ITLN2: variants seen among roughly 807,000 people sequenced by gnomAD.
The protein encoded by ITLN2 is intelectin 2.
Under a neutral mutation model 39.4 loss-of-function variants are expected in ITLN2, and 29 were observed. The ratio of observed to expected loss-of-function variants is 0.74; its 90% CI spans 0.55 to 1.00. ITLN2 has a LOEUF of 1.00. Ranked by LOEUF, ITLN2 falls within the 50% of genes least tolerant of loss-of-function variation. The probability of loss-of-function intolerance (pLI) is 0.00; values close to 1 mark genes in which losing one functional copy is unlikely to be tolerated. For synonymous variants in ITLN2, 156 were observed against 153.4 expected (o/e 1.02, Z -0.12); for missense variants, 412 against 416.7 (o/e 0.99, Z 0.10).
chr1:160,952,507 C>T, intron 3 of ITLN2, 113 bp downstream of exon 3: 1 of 693,556 alleles, frequency 1.4e-6, no homozygotes, highest in Non-Finnish European at 2.5e-6. Flanking sequence ...TGAGTAGGAG[C>T]TGGGGGCAGA....
chr1:160,950,088 C>A lies in ITLN2; in HGVS notation c.679G>T (p.Asp227Tyr). 1 of 1,613,992 alleles carries A rather than the reference C, an allele frequency of 6.2e-7. No individual in the cohort carries two copies. The change falls in exon 6 of 8, where the codon GAT (aspartate) becomes TAT (tyrosine). Residue 227 changes from aspartate (D) to tyrosine (Y), a missense_variant. Asp to Tyr is a radical substitution (Grantham distance 160). Transcript: ENST00000368029. The part of the protein sequence containing the change: ...PAIPVVYDFG[D>Y]AKKTASYYSP... ...TAATAAGATGCAGTCTTCTTAGCAT[C>A]ACCAAAGTCATAGACCACAGGTATG...
chr1:160,954,089 G>A (rs543937321), intron 2 of ITLN2, among the ~76,000 whole-genome samples: 31 of 152,212 alleles, frequency 2.0e-4, no homozygotes, highest in Non-Finnish European at 4.4e-5. Context: ...AGCTGAGCAG[G>A]GACACAGTTC....
chr1:160,948,298 C>T (rs889752999), intron 6 of ITLN2, among the ~76,000 whole-genome samples: 6 of 152,206 alleles, frequency 3.9e-5, no homozygotes, highest in Non-Finnish European at 7.3e-5. Context: ...TTACAGCTTA[C>T]AGGAGAAACT....
At position 160,945,245 on chromosome 1, in the gene ITLN2, C is replaced by G; in HGVS notation, c.873G>C (p.Gln291His). ...AGTCAAAGGCGGAGAAGTCCCCACA[C>G]TGACGGGGTTTGCCCTGTGGGAAGA... ...GGFFPQGKPR[Q>H]CGDFSAFDWD... Residue 291 changes from glutamine (Q) to histidine (H), a missense_variant, in exon 8 of 8, where the codon CAG (glutamine) becomes CAC (histidine). Transcript: ENST00000368029. The G allele has an allele frequency of 5.6e-6, 9 of 1,603,832 alleles. No individual in the cohort carries two copies. The highest frequency in any genetic ancestry group is 7.6e-6 in the Non-Finnish European group (9 of 1,177,442).
At chr1:160,949,780 CT>C in intron 6 of ITLN2, 1 of 372,032 alleles carries the variant, frequency 2.7e-6, no homozygotes, top group Non-Finnish European at 5.0e-6. Flanking sequence ...ATCTCTTTTT[CT>C]TTTCCCCACA....
rs1196108040 is a variant in ITLN2 at position 160,950,610 on chromosome 1, G to A, written c.543C>T (p.Tyr181=). 1.2e-6 allele frequency: 2 copies of A among 1,614,116 alleles called. No homozygotes were observed. Among genetic ancestry groups the A allele is most frequent in the African/African-American group, 2.7e-5 (2 of 74,932 alleles). The change falls in exon 5 of 8, where the codon TAC becomes TAT. Residue 181 remains tyrosine, a synonymous_variant. Coordinates refer to ENST00000368029, the MANE Select transcript of ITLN2 (RefSeq NM_080878.3). The stretch of plus-strand genomic sequence containing the variant: ...TCTGGAGGAAGCCAGTGTTGGTGCG[G>A]TACCTCAGCAGGGCGCTGTTTCTCC... ...QHWRNSALLR[Y]RTNTGFLQRL... is the part of the protein sequence containing the mutation.
At chr1:160,950,530 C>T (rs1168906312) in intron 5 of ITLN2, 23 bp downstream of exon 5, 8 of 1,609,042 alleles carry the variant, frequency 5.0e-6, no homozygotes, top group South Asian at 1.1e-5. Flanking sequence ...AGAAAGTGCC[C>T]CCCAGCCAGC....
chr1:160,946,749 G>GA, intron 7 of ITLN2, among the ~76,000 whole-genome samples: 2 of 149,284 alleles, frequency 1.3e-5, no homozygotes, highest in Middle Eastern at 3.4e-3. Flanking sequence ...ACTCTTCAAA[G>GA]AAAAAAAAAG....
intron 1 of ITLN2, 28 bp from the exon 2 acceptor site, chr1:160,954,478 ACTGG>A (rs756956060): frequency 6.5e-7 from 1 of 1,543,008 alleles, no homozygotes. Flanking sequence ...GCACAAGGTC[ACTGG>A]CTGGCCCTTC....
chr1:160,945,140 T>C lies in ITLN2; in HGVS notation c.978A>G (p.Ter326TrpextTer26), dbSNP rs1466939842. 2 of 1,585,986 alleles carry C rather than the reference T, an allele frequency of 1.3e-6. No homozygotes were observed. Among genetic ancestry groups the C allele is most frequent in the South Asian group, 2.3e-5 (2 of 85,874 alleles). The change falls in exon 8 of 8, where the codon TGA (stop) becomes TGG (tryptophan). Residue 326 changes from the stop codon to tryptophan (W), a stop_lost. Coordinates refer to ENST00000368029, the MANE Select transcript of ITLN2 (RefSeq NM_080878.3). Reference sequence around the variant, plus strand: ...CGCCCTGACACCGCAGAGCTCTGTCTCATCTATAGAACAAGAGTACAGCCG... The same window carrying C: ...CGCCCTGACACCGCAGAGCTCTGTCCCATCTATAGAACAAGAGTACAGCCG... ...TEAAVLLFYR[*>W]
Position 160,945,286 on chromosome 1 carries a change from T to C in ITLN2, c.832A>G (p.Ile278Val). The C allele has an allele frequency of 6.4e-7, 1 of 1,564,458 alleles. No individual in the cohort carries two copies. ...VTGCNTEHHC[I>V]GGGGFFPQGK... ...TGTGGGAAGAACCCTCCTCCACCGATGCAGTGCTGGGAAACAGAAAGAAGA... is the reference window on the plus strand; with the variant it reads ...TGTGGGAAGAACCCTCCTCCACCGACGCAGTGCTGGGAAACAGAAAGAAGA... Residue 278 changes from isoleucine (I) to valine (V), a missense_variant, in exon 8 of 8, where the codon ATC becomes GTC. Transcript: ENST00000368029.
Position 160,945,295 on chromosome 1 carries a change from G to T in ITLN2, c.826-3C>A. ...AACCCTCCTCCACCGATGCAGTGCT[G>T]GGAAACAGAAAGAAGAAACACTGTG... On this transcript the variant is annotated splice_polypyrimidine_tract_variant and splice_region_variant and intron_variant, in intron 7 of 7. Transcript: ENST00000368029. 1.3e-6 allele frequency: 2 copies of T among 1,547,046 alleles called. No individual in the cohort carries two copies. Among genetic ancestry groups the T allele is most frequent in the Non-Finnish European group, 1.7e-6 (2 of 1,156,986 alleles).
chr1:160,945,387 T>C (rs1570967182), intron 7 of ITLN2, 95 bp from the exon 8 acceptor site: 2 of 1,198,578 alleles, frequency 1.7e-6, no homozygotes, highest in Non-Finnish European at 1.1e-6. Flanking sequence ...CCTCAAGTTA[T>C]CCGCCTGCCT....
chr1:160,954,443 A>G lies in ITLN2; in HGVS notation c.23T>C (p.Met8Thr). Reference sequence around the variant, plus strand: ...GAATAACAGGAAGCAGAGTCTGGTCATTGTCCTCTAAGGAAAAACAAGATG... The same window carrying G: ...GAATAACAGGAAGCAGAGTCTGGTCGTTGTCCTCTAAGGAAAAACAAGATG... The part of the protein sequence containing the change: MLSMLRT[M>T]TRLCFLLFFS... The change falls in exon 2 of 8, where the codon ATG becomes ACG. Residue 8 changes from methionine (M) to threonine (T), a missense_variant. Transcript: ENST00000368029. 6 of 1,579,052 alleles carry G rather than the reference A, an allele frequency of 3.8e-6. No individual in the cohort carries two copies. The highest frequency in any genetic ancestry group is 4.3e-6 in the Non-Finnish European group (5 of 1,160,822).
chr1:160,953,137 G>A (rs1162691122), intron 2 of ITLN2, among the ~76,000 whole-genome samples: 1 of 152,130 alleles, frequency 6.6e-6, no homozygotes, highest in African/African-American at 2.4e-5. Context: ...TGGGAGAATG[G>A]GAGCTGGCTA....
At chr1:160,947,320 C>T (rs1671628450) in intron 7 of ITLN2, among the ~76,000 whole-genome samples, 1 of 152,176 alleles carries the variant, frequency 6.6e-6, no homozygotes, top group Non-Finnish European at 1.5e-5. Context: ...AGCCACAGGG[C>T]GGTTTTCTCC....
chr1:160,948,463 G>T (rs1671657006), intron 6 of ITLN2, among the ~76,000 whole-genome samples: 1 of 152,036 alleles, frequency 6.6e-6, no homozygotes, highest in Admixed American at 6.6e-5. Flanking sequence ...AAATATCAAA[G>T]GCAAACAGTG....
intron 7 of ITLN2, among the ~76,000 whole-genome samples, chr1:160,946,537 C>T (rs1671607224): frequency 6.6e-6 from 1 of 151,476 alleles, no homozygotes; most frequent in South Asian, 2.1e-4. Flanking sequence ...TAGTGAAACC[C>T]CGTCTCTACT....
At chr1:160,949,889 A>G in intron 6 of ITLN2, 157 bp downstream of exon 6, 2 of 655,964 alleles carry the variant, frequency 3.0e-6, no homozygotes, top group Middle Eastern at 4.2e-4. Context: ...TCTCATGGTA[A>G]TTAAATGACA....
Sources: gnomAD v4.1 joint callset for allele counts (sites outside exome capture counted in the v4.1 genomes callset) on GRCh38, gnomAD v4.1.1 for gene constraint, MANE v1.5 for transcripts, NCBI Gene and HGNC (gene_info 2026-07-23, HGNC 2026-07-21) for gene names.